LPIN1: variants seen among roughly 807,000 people sequenced by gnomAD.
LPIN1 encodes phosphatidate phosphatase LPIN1.
A neutral mutation model predicts 107.5 loss-of-function variants in LPIN1; 71 were observed. The observed-to-expected ratio is 0.66, with a 90% CI of 0.55 to 0.80. The LOEUF is 0.80. Ranked by LOEUF, LPIN1 falls within the 30% of genes least tolerant of loss-of-function variation. The probability of loss-of-function intolerance (pLI) is 0.00; values close to 1 mark genes in which losing one functional copy is unlikely to be tolerated. For synonymous variants in LPIN1, 445 were observed against 452.6 expected (o/e 0.98, Z 0.21); for missense variants, 1,043 against 1,160.6 (o/e 0.90, Z 1.47).
intron 13 of LPIN1, among the ~76,000 whole-genome samples, chr2:11,795,116 A>G (rs1342240553): frequency 6.6e-6 from 1 of 152,224 alleles, no homozygotes; most frequent in African/African-American, 2.4e-5. Context: ...CATTTGCATA[A>G]GCTACAGTGA....
intron 5 of LPIN1, 80 bp downstream of exon 5, chr2:11,773,825 A>G: frequency 6.6e-7 from 1 of 1,514,540 alleles, no homozygotes; most frequent in Admixed American, 1.7e-5. Flanking sequence ...AAAAGAATGA[A>G]ATAGAAATGA....
chr2:11,698,602 C>T (rs771565550), intron 1 of LPIN1, among the ~76,000 whole-genome samples: 23 of 152,220 alleles, frequency 1.5e-4, no homozygotes, highest in Non-Finnish European at 2.5e-4. Flanking sequence ...CCTCTGAACA[C>T]GGAGTGAATT....
rs149252006 is a variant in LPIN1, at chr2:11,733,369, A to T, written c.-71-7980A>T. On this transcript the variant is annotated intron_variant, in intron 1 of 21. Transcript: ENST00000396097. The stretch of plus-strand genomic sequence containing the variant: ...AGTGTGGCAATATGAAAGTGTATGG[A>T]CACAAAGACACACACACACCCCTAA... Among the ~76,000 whole-genome samples, 7 of 152,338 alleles carry T rather than the reference A, an allele frequency of 4.6e-5. No individual in the cohort carries two copies. The East Asian group carries it at 1.3e-3, about 29-fold the overall frequency.
intron 1 of LPIN1, among the ~76,000 whole-genome samples, chr2:11,733,137 T>C (rs906999886): frequency 6.6e-6 from 1 of 152,132 alleles, no homozygotes; most frequent in East Asian, 1.9e-4. Flanking sequence ...GACCTGTCGG[T>C]TTAGCAACCA....
chr2:11,788,526 A>AT, intron 12 of LPIN1, 70 bp downstream of exon 12: 1 of 1,215,630 alleles, frequency 8.2e-7, no homozygotes, highest in South Asian at 1.2e-5. Context: ...GGTGGTTGGA[A>AT]TTTCACTTTT....
intron 20 of LPIN1, among the ~76,000 whole-genome samples, chr2:11,821,274 T>C (rs1681461242): frequency 6.6e-6 from 1 of 152,030 alleles, no homozygotes; most frequent in South Asian, 2.1e-4. Flanking sequence ...CCCAGCACTT[T>C]GGGAGGCTGA....
chr2:11,823,783 C>T (rs1681967975), intron 20 of LPIN1, among the ~76,000 whole-genome samples: 2 of 152,238 alleles, frequency 1.3e-5, no homozygotes, highest in South Asian at 4.1e-4. Context: ...AACTAACATG[C>T]AACATATTTT....
intron 1 of LPIN1, among the ~76,000 whole-genome samples, chr2:11,759,394 C>A (rs1473318548): frequency 7.3e-5 from 11 of 151,520 alleles, no homozygotes; most frequent in Non-Finnish European, 1.0e-4. Flanking sequence ...CTTAACGAGC[C>A]TGCTGCCTTC....
At position 11,771,280 on chromosome 2, in the gene LPIN1, C is replaced by T; in HGVS notation, c.289-92C>T. On this transcript the variant is annotated intron_variant, in intron 3 of 20. Transcript: ENST00000674199. This position sits in a 1 kb window ranked among gnomAD's most constrained non-coding sequence, Gnocchi z 4.8. ...TGGCCCTCCCCAGGAGGTGCTTGGC[C>T]TCTGAAGTGAATCCTGGAGGCCTCT... 2 of 1,307,042 alleles carry T rather than the reference C, an allele frequency of 1.5e-6. No individual in the cohort carries two copies. Among genetic ancestry groups the T allele is most frequent in the Non-Finnish European group, 2.2e-6 (2 of 907,826 alleles). The allele number at this position is 1,307,042 out of a possible 1,614,324, so 81.0% of individuals were successfully genotyped here.
chr2:11,814,439 A>G (rs1157711392), intron 17 of LPIN1, among the ~76,000 whole-genome samples: 6 of 151,776 alleles, frequency 4.0e-5, no homozygotes, highest in Admixed American at 3.9e-4. Context: ...TTTTGGAAGA[A>G]TTTTGCTACA....
chr2:11,783,324 G>A (rs1326759551), intron 8 of LPIN1, among the ~76,000 whole-genome samples: 1 of 152,200 alleles, frequency 6.6e-6, no homozygotes, highest in East Asian at 1.9e-4. Context: ...AATGGTAATA[G>A]CCTCAATGCG....
At chr2:11,759,132 CTTTTCTTT>C (rs1481730029) in intron 1 of LPIN1, among the ~76,000 whole-genome samples, 2 of 121,332 alleles carry the variant, frequency 1.6e-5, no homozygotes, top group Admixed American at 7.8e-5. Context: ...TGCTTTCTTT[CTTTTCTTT>C]CTTTCTTTCT....
intron 5 of LPIN1, among the ~76,000 whole-genome samples, chr2:11,775,721 G>A (rs1672552864): frequency 6.6e-6 from 1 of 151,150 alleles, no homozygotes; most frequent in Admixed American, 6.6e-5. Flanking sequence ...GAAAATTCAT[G>A]CTGATTTCTT....
chr2:11,804,428 C>A lies in LPIN1; in HGVS notation c.2019C>A (p.Ser673Arg). ...TAATGGTTCATGTTTTTCAGAAAAG[C>A]TTGAAGTTGAAGAATGGCCCCAACG... is the stretch of plus-strand genomic sequence containing the variant. The part of the protein sequence containing the change: ...TLRLTSEQLK[S>R]LKLKNGPNDV... Residue 673 changes from serine to arginine, a missense_variant, in exon 16 of 21, where the codon AGC becomes AGA. By Grantham distance (110) the Ser-to-Arg change is moderately radical (BLOSUM62 -1). Transcript: ENST00000674199. 1 of 1,614,208 alleles carries A rather than the reference C, an allele frequency of 6.2e-7. No homozygotes were observed. The highest frequency in any genetic ancestry group is 1.1e-5 in the South Asian group (1 of 91,076).
chr2:11,703,596 G>A (rs1007493920), intron 1 of LPIN1, among the ~76,000 whole-genome samples: 3 of 152,088 alleles, frequency 2.0e-5, no homozygotes, highest in African/African-American at 7.2e-5. Context: ...ACACAAACGG[G>A]CACGTATCAA....
At chr2:11,783,458 G>A (rs1432754746) in intron 8 of LPIN1, among the ~76,000 whole-genome samples, 1 of 152,106 alleles carries the variant, frequency 6.6e-6, no homozygotes, top group Non-Finnish European at 1.5e-5. Context: ...GGTGGTCTAC[G>A]GTCACGTTGT....
intron 20 of LPIN1, among the ~76,000 whole-genome samples, chr2:11,822,426 G>A (rs1266540435): frequency 6.6e-6 from 1 of 151,574 alleles, no homozygotes; most frequent in Non-Finnish European, 1.5e-5. Context: ...CTCCAGCCTG[G>A]GTGACAGAGT....
chr2:11,767,268 G>T, intron 2 of LPIN1, among the ~76,000 whole-genome samples: 1 of 152,106 alleles, frequency 6.6e-6, no homozygotes, highest in Admixed American at 6.6e-5. Context: ...GCCAATAGTT[G>T]ATGAGTTTTC....
In LPIN1 at chr2:11,819,613, G is replaced by T; in HGVS notation, c.2517+15G>T. On this transcript the variant is annotated intron_variant, in intron 19 of 20. Transcript: ENST00000674199. ...ACCGACCAGCTGTAAGTAGTAGATT[G>T]GGTATAGAAGAACCCTTGAAATGAC... 1 of 1,568,712 alleles carries T rather than the reference G, an allele frequency of 6.4e-7. No homozygotes were observed. Among genetic ancestry groups the T allele is most frequent in the South Asian group, 1.1e-5 (1 of 90,144 alleles).
Sources: gnomAD v4.1 joint callset for allele counts (sites outside exome capture counted in the v4.1 genomes callset) on GRCh38, gnomAD v4.1.1 for gene constraint, Gnocchi (gnomAD v3.1) non-coding constraint, MANE v1.5 for transcripts, NCBI Gene and HGNC (gene_info 2026-07-23, HGNC 2026-07-21) for gene names.